The following TMEM38A variants were observed in gnomAD, a reference collection of about 807,000 sequenced individuals.
The protein encoded by TMEM38A is transmembrane protein 38A, also known as trimeric intracellular cation channel type A.
Under a neutral mutation model 28.6 loss-of-function variants are expected in TMEM38A, and 17 were observed. The observed-to-expected ratio is 0.60, with a 90% CI of 0.41 to 0.89. The LOEUF (loss-of-function observed/expected upper bound fraction) is 0.89, where lower values mean the gene tolerates loss of function less well. Ranked by LOEUF, TMEM38A falls within the 40% of genes least tolerant of loss-of-function variation. The pLI is 0.00. For missense variants in TMEM38A, 328 were observed against 393.1 expected, an observed-to-expected ratio of 0.83 and a Z score of 1.40; for synonymous variants, 169 against 166.1, an observed-to-expected ratio of 1.02 and a Z score of -0.14.
chr19:16,688,098 G>A (rs772317350), intron 5 of TMEM38A, 46 bp from the exon 6 acceptor site: 3 of 1,329,070 alleles, frequency 2.3e-6, no homozygotes, highest in Non-Finnish European at 3.0e-6. Flanking sequence ...TTCTACCTTG[G>A]TCTCCCTCTG....
chr19:16,663,272 C>T (rs2086689867), intron 1 of TMEM38A, among the ~76,000 whole-genome samples: 1 of 150,524 alleles, frequency 6.6e-6, no homozygotes, highest in African/African-American at 2.4e-5. Context: ...CAGAGCAAGA[C>T]TCTGTCTCGA....
intron 1 of TMEM38A, among the ~76,000 whole-genome samples, chr19:16,665,810 T>C (rs1382801932): frequency 1.3e-5 from 2 of 149,374 alleles, no homozygotes; most frequent in Non-Finnish European, 3.0e-5. Context: ...TCTTTTCTTT[T>C]CCTTTTTTTT....
chr19:16,688,809 A>T lies in TMEM38A; in HGVS notation c.*438A>T, dbSNP rs3848652. The T allele has an allele frequency of 0.026, 3,974 of 152,820 alleles. 183 individuals carry two copies. Among genetic ancestry groups the T allele is most frequent in the African/African-American group, 0.091 (3,785 of 41,574 alleles). The allele number at this position is 152,820 out of a possible 1,614,324, so 9.5% of individuals were successfully genotyped here. A position where few individuals can be genotyped will look rare whatever the true frequency, so the allele number is the denominator to read the frequency against. Reference sequence around the variant, plus strand: ...GGAGTTCAAGACCAGCTTGGCCAACATGGTGAAACCCCATCTCTACCAAAA... The same window carrying T: ...GGAGTTCAAGACCAGCTTGGCCAACTTGGTGAAACCCCATCTCTACCAAAA... On this transcript the variant is annotated 3_prime_UTR_variant, in exon 6 of 6. Coordinates refer to ENST00000187762, the MANE Select transcript of TMEM38A (RefSeq NM_024074.4).
At chr19:16,681,169 T>C (rs565507830) in intron 3 of TMEM38A, among the ~76,000 whole-genome samples, 1 of 152,154 alleles carries the variant, frequency 6.6e-6, no homozygotes, top group Non-Finnish European at 1.5e-5. Flanking sequence ...ATGCCTGTAG[T>C]TCTAGCTACT....
At chr19:16,673,632 G>A (rs1056935760) in intron 1 of TMEM38A, among the ~76,000 whole-genome samples, 4 of 152,158 alleles carry the variant, frequency 2.6e-5, no homozygotes, top group Non-Finnish European at 5.9e-5. Flanking sequence ...GCCCACTGAT[G>A]CGCTCACCTG....
intron 1 of TMEM38A, among the ~76,000 whole-genome samples, chr19:16,676,919 C>G (rs914949982): frequency 7.2e-5 from 11 of 151,792 alleles, no homozygotes; most frequent in Non-Finnish European, 1.2e-4. Flanking sequence ...CACCACCACG[C>G]CTGGCTAATT....
intron 4 of TMEM38A, among the ~76,000 whole-genome samples, chr19:16,682,975 T>C (rs1454176524): frequency 6.6e-6 from 1 of 152,074 alleles, no homozygotes; most frequent in East Asian, 1.9e-4. Flanking sequence ...TTAATGTTTT[T>C]TATTTTTTTA....
chr19:16,664,960 T>C (rs1018366417), intron 1 of TMEM38A, among the ~76,000 whole-genome samples: 1 of 151,878 alleles, frequency 6.6e-6, no homozygotes, highest in South Asian at 2.1e-4. Context: ...CAGGAGTTCA[T>C]GGCCAGCCTG....
intron 1 of TMEM38A, among the ~76,000 whole-genome samples, chr19:16,675,370 G>A (rs2086745805): frequency 6.6e-6 from 1 of 151,688 alleles, no homozygotes; most frequent in Non-Finnish European, 1.5e-5. Flanking sequence ...TGGGAATACA[G>A]ACACCTGCCA....
In TMEM38A at chr19:16,661,241, C is replaced by T; in HGVS notation, c.24C>T (p.Ser8=). The T allele has an allele frequency of 1.3e-6, 2 of 1,586,374 alleles. No individual in the cohort carries two copies. Among genetic ancestry groups the T allele is most frequent in the Non-Finnish European group, 1.7e-6 (2 of 1,167,616 alleles). MELLSAL[S]LGELALSFSR... ...CCATGGAGCTGCTCTCGGCGCTGAG[C>T]CTGGGCGAACTGGCGCTCAGCTTCT... is the stretch of plus-strand genomic sequence containing the variant. Residue 8 remains serine (S), a synonymous_variant, in exon 1 of 6, where the codon AGC becomes AGT. Coordinates refer to ENST00000187762, the MANE Select transcript of TMEM38A (RefSeq NM_024074.4). This position sits in a 1 kb window ranked among gnomAD's most constrained non-coding sequence, Gnocchi z 6.5.
chr19:16,678,713 C>T (rs999924779), intron 1 of TMEM38A, among the ~76,000 whole-genome samples: 2 of 130,470 alleles, frequency 1.5e-5, no homozygotes, highest in Non-Finnish European at 3.1e-5. Context: ...TGCAGTGAGT[C>T]GTGATTGCAC....
chr19:16,663,536 T>TC, intron 1 of TMEM38A, among the ~76,000 whole-genome samples: 1 of 148,470 alleles, frequency 6.7e-6, no homozygotes, highest in East Asian at 2.0e-4. Flanking sequence ...TTTCTTTTCT[T>TC]TTTTTTTTTT....
intron 1 of TMEM38A, among the ~76,000 whole-genome samples, chr19:16,665,913 A>T (rs2086701142): frequency 6.6e-6 from 1 of 150,998 alleles, no homozygotes; most frequent in Admixed American, 6.6e-5. Context: ...GATTCAAGTG[A>T]TTCTCCTGCC....
At chr19:16,664,261 CA>C (rs57897874) in intron 1 of TMEM38A, among the ~76,000 whole-genome samples, 50,288 of 151,490 alleles carry the variant, frequency 0.33, 11,977 homozygotes, top group African/African-American at 0.68. Flanking sequence ...ACTACAAATG[CA>C]AAAAAATAGC....
intron 4 of TMEM38A, among the ~76,000 whole-genome samples, chr19:16,683,698 C>T (rs1266402736): frequency 5.3e-5 from 8 of 151,334 alleles, no homozygotes; most frequent in South Asian, 2.1e-4. Flanking sequence ...AGGCTGGGCA[C>T]GGTGGCTCAC....
chr19:16,684,111 T>A (rs1355652714), intron 4 of TMEM38A, among the ~76,000 whole-genome samples: 3 of 144,024 alleles, frequency 2.1e-5, no homozygotes, highest in Non-Finnish European at 4.5e-5. Context: ...GCCTGGGCAA[T>A]AGAGCAAGAC....
chr19:16,686,213 G>T (rs997692176), intron 4 of TMEM38A, 75 bp from the exon 5 acceptor site: 2 of 1,055,828 alleles, frequency 1.9e-6, no homozygotes, highest in African/African-American at 1.6e-5. Flanking sequence ...GCCAGGGCAG[G>T]GGGGTGTCTG....
chr19:16,671,223 T>TTTTTTTTTTTTG (rs2086726256), intron 1 of TMEM38A, among the ~76,000 whole-genome samples: 1 of 122,630 alleles, frequency 8.2e-6, no homozygotes, highest in African/African-American at 3.4e-5. Context: ...TTTTTTTTTT[T>TTTTTTTTTTTTG]GAGGCGGAGT....
intron 1 of TMEM38A, among the ~76,000 whole-genome samples, chr19:16,666,830 G>A (rs1191962565): frequency 6.6e-6 from 1 of 151,872 alleles, no homozygotes; most frequent in Non-Finnish European, 1.5e-5. Context: ...GCGGGCTCCT[G>A]TAATCCCAGC....
Sources: allele counts gnomAD v4.1 joint callset (sites outside exome capture counted in the v4.1 genomes callset), GRCh38; gene constraint gnomAD v4.1.1; non-coding constraint Gnocchi (gnomAD v3.1); transcripts MANE v1.5; gene names NCBI Gene and HGNC (gene_info 2026-07-23, HGNC 2026-07-21).